Variants in MTHFD2L observed in about 807,000 individuals in gnomAD.
MTHFD2L encodes bifunctional methylenetetrahydrofolate dehydrogenase/cyclohydrolase 2, mitochondrial.
Under a neutral mutation model 34.9 loss-of-function variants are expected in MTHFD2L, and 29 were observed. The ratio of observed to expected loss-of-function variants is 0.83; its 90% CI spans 0.62 to 1.13. The LOEUF (loss-of-function observed/expected upper bound fraction) is 1.13. Among genes scored for constraint, MTHFD2L ranks in the 50% most tolerant of loss-of-function variants. The pLI is 0.00. For missense variants in MTHFD2L, 481 were observed against 446.5 expected, an observed-to-expected ratio of 1.08 and a Z score of -0.70; for synonymous variants, 167 against 155.7, an observed-to-expected ratio of 1.07 and a Z score of -0.54.
At chr4:74,227,390 G>A (rs770852740) in intron 6 of MTHFD2L, among the ~76,000 whole-genome samples, 57 of 151,982 alleles carry the variant, frequency 3.8e-4, no homozygotes, top group Admixed American at 9.2e-4. Flanking sequence ...TGAATATATC[G>A]CTGTAAAAAT....
At chr4:74,203,707 A>G (rs1578454286) in intron 5 of MTHFD2L, among the ~76,000 whole-genome samples, 1 of 152,126 alleles carries the variant, frequency 6.6e-6, no homozygotes, top group African/African-American at 2.4e-5. Context: ...ATGGTGTTAA[A>G]TCATGAGAAA....
chr4:74,148,883 C>A (rs527698104), intron 1 of MTHFD2L, among the ~76,000 whole-genome samples: 1 of 151,762 alleles, frequency 6.6e-6, no homozygotes, highest in Non-Finnish European at 1.5e-5. Context: ...CTTACTTAGT[C>A]TTTTCTGTAT....
chr4:74,272,219 C>T (rs562841285), intron 6 of MTHFD2L, among the ~76,000 whole-genome samples: 2 of 152,224 alleles, frequency 1.3e-5, no homozygotes, highest in South Asian at 4.1e-4. Context: ...ATCAAATTAA[C>T]AGGTGTGGGA....
chr4:74,140,546 T>C, intron 1 of MTHFD2L: 1 of 979,296 alleles, frequency 1.0e-6, no homozygotes, highest in Non-Finnish European at 1.2e-6. Flanking sequence ...ATGTTGTGCA[T>C]TATTCATTTA....
At chr4:74,171,866 T>C (rs1728075455) in intron 1 of MTHFD2L, among the ~76,000 whole-genome samples, 1 of 152,220 alleles carries the variant, frequency 6.6e-6, no homozygotes, top group Non-Finnish European at 1.5e-5. Flanking sequence ...ATAAAATGTT[T>C]GTAACAGCTG....
At chr4:74,145,355 G>T (rs375200333) in intron 1 of MTHFD2L, among the ~76,000 whole-genome samples, 7 of 152,234 alleles carry the variant, frequency 4.6e-5, no homozygotes, top group East Asian at 1.9e-4. Context: ...TATACAGGAG[G>T]ATGTGCATAA....
At position 74,280,993 on chromosome 4, in the gene MTHFD2L, C is replaced by T. The variant is rs753330819; in HGVS notation, c.806-432C>T. On this transcript the variant is annotated intron_variant, in intron 6 of 7. Transcript: ENST00000325278. ...TTTCCCCCTCCCTTCCTTTCTATCT[C>T]TCTCCCTTCCTCCCTCCCTTCCTCC... Among the ~76,000 whole-genome samples, 3 of 151,752 alleles carry T rather than the reference C, an allele frequency of 2.0e-5. No homozygotes were observed. In the East Asian group the frequency reaches 5.8e-4, roughly 30 times the overall value.
At chr4:74,118,824 T>C (rs956185101), upstream of MTHFD2L, among the ~76,000 whole-genome samples, 3 of 152,224 alleles carry the variant, frequency 2.0e-5, no homozygotes, top group Admixed American at 6.5e-5. Context: ...CATTACCTCC[T>C]GAGCTCTGCC....
intron 6 of MTHFD2L, among the ~76,000 whole-genome samples, chr4:74,228,340 G>C (rs1739498341): frequency 6.6e-6 from 1 of 152,166 alleles, no homozygotes; most frequent in South Asian, 2.1e-4. Context: ...AGAGGAATTT[G>C]AATGCTCATC....
At chr4:74,267,509 C>G (rs564577530) in intron 6 of MTHFD2L, among the ~76,000 whole-genome samples, 6 of 151,992 alleles carry the variant, frequency 3.9e-5, no homozygotes, top group Non-Finnish European at 7.4e-5. Flanking sequence ...CCCCTGCCCA[C>G]CCGGGCTTAA....
intron 6 of MTHFD2L, among the ~76,000 whole-genome samples, chr4:74,256,405 G>A (rs1265524868): frequency 6.6e-6 from 1 of 152,092 alleles, no homozygotes; most frequent in Non-Finnish European, 1.5e-5. Context: ...GAGCCACCAT[G>A]CCCAGCCTCA....
chr4:74,142,631 C>T (rs1250536441), intron 1 of MTHFD2L, among the ~76,000 whole-genome samples: 1 of 152,196 alleles, frequency 6.6e-6, no homozygotes, highest in Non-Finnish European at 1.5e-5. Context: ...AAAATATTTA[C>T]TATGAAATAA....
chr4:74,230,030 AT>A (rs33928170), intron 6 of MTHFD2L, among the ~76,000 whole-genome samples: 67 of 152,252 alleles, frequency 4.4e-4, no homozygotes, highest in Middle Eastern at 6.8e-3. Context: ...AGCTGTGTTG[AT>A]TTTGAGATTA....
chr4:74,291,593 C>T (rs1748967835), intron 7 of MTHFD2L, among the ~76,000 whole-genome samples: 1 of 152,088 alleles, frequency 6.6e-6, no homozygotes, highest in South Asian at 2.1e-4. Context: ...ATACTAGGCA[C>T]TATTTGAGGT....
intron 2 of MTHFD2L, 138 bp downstream of exon 2, chr4:74,174,828 C>A: frequency 8.2e-6 from 5 of 606,288 alleles, no homozygotes; most frequent in Non-Finnish European, 1.0e-5. Context: ...ATTCAGTTAC[C>A]AAAGCTTATG....
chr4:74,210,266 T>C (rs762991205), intron 5 of MTHFD2L, among the ~76,000 whole-genome samples: 1 of 152,232 alleles, frequency 6.6e-6, no homozygotes, highest in Non-Finnish European at 1.5e-5. Context: ...ATATTGCCCA[T>C]GCCTATGTCC....
intron 2 of MTHFD2L, among the ~76,000 whole-genome samples, chr4:74,115,972 G>T (rs1721649733): frequency 6.6e-6 from 1 of 152,138 alleles, no homozygotes; most frequent in Non-Finnish European, 1.5e-5. Flanking sequence ...TAAAGTATTT[G>T]TAATCAAAGA....
Position 74,230,674 on chromosome 4 carries a change from A to G in MTHFD2L, c.805+5280A>G, listed in dbSNP as rs529313237. Among the ~76,000 whole-genome samples the G allele has an allele frequency of 2.0e-5, 3 of 152,092 alleles. No homozygotes were observed. The South Asian group carries it at 6.2e-4, about 31-fold the overall frequency. On this transcript the variant is annotated intron_variant, in intron 6 of 7. Coordinates refer to ENST00000325278, the MANE Select transcript of MTHFD2L (RefSeq NM_001144978.3). ...AAGGAGACTATTACATCTAAAGAAC[A>G]GTAAGAGTACTGGATGGTTGAAAGG... is the stretch of plus-strand genomic sequence containing the variant.
chr4:74,176,505 CAT>C (rs1455586029), intron 3 of MTHFD2L, among the ~76,000 whole-genome samples: 2 of 151,972 alleles, frequency 1.3e-5, no homozygotes, highest in African/African-American at 2.4e-5. Context: ...TGTAAAATAT[CAT>C]GTGGGTTTAT....
Sources: allele counts gnomAD v4.1 joint callset (sites outside exome capture counted in the v4.1 genomes callset), GRCh38; gene constraint gnomAD v4.1.1; transcripts MANE v1.5; gene names NCBI Gene and HGNC (gene_info 2026-07-23, HGNC 2026-07-21).